LUZP1: variants seen among roughly 807,000 people sequenced by gnomAD.
LUZP1 encodes leucine zipper protein 1.
LUZP1 carries 25 observed loss-of-function variants against 71.3 expected under a neutral mutation model. The ratio of observed to expected loss-of-function variants is 0.35; its 90% CI spans 0.26 to 0.49. The LOEUF is 0.49. LUZP1 is among the 20% of genes least tolerant of loss of function. The probability of loss-of-function intolerance (pLI) is 0.99; values close to 1 mark genes in which losing one functional copy is unlikely to be tolerated. For synonymous variants in LUZP1, 481 were observed against 506.4 expected, an observed-to-expected ratio of 0.95 and a Z score of 0.67; for missense variants, 1,142 against 1,300.8, an observed-to-expected ratio of 0.88 and a Z score of 1.88.
At chr1:23,123,650 T>C (rs899122863) in intron 2 of LUZP1, among the ~76,000 whole-genome samples, 1 of 152,178 alleles carries the variant, frequency 6.6e-6, no homozygotes, top group African/African-American at 2.4e-5. Context: ...ATCCTACTAC[T>C]AGGAAGTGGA....
intron 2 of LUZP1, among the ~76,000 whole-genome samples, chr1:23,165,043 CT>C (rs1433223691): frequency 6.6e-6 from 1 of 152,152 alleles, no homozygotes; most frequent in Non-Finnish European, 1.5e-5. Flanking sequence ...TATCTTTCCC[CT>C]AATCCAATAA....
At chr1:23,161,434 T>C (rs1644465460) in intron 2 of LUZP1, among the ~76,000 whole-genome samples, 1 of 152,088 alleles carries the variant, frequency 6.6e-6, no homozygotes. Flanking sequence ...GAGCCATGCA[T>C]ACAAAGGCCC....
chr1:23,132,507 T>C (rs1326267830), intron 2 of LUZP1, among the ~76,000 whole-genome samples: 1 of 106,398 alleles, frequency 9.4e-6, no homozygotes, highest in Non-Finnish European at 1.9e-5. Context: ...AGAACACTTC[T>C]TGTTTAAAAA....
intron 3 of LUZP1, among the ~76,000 whole-genome samples, chr1:23,107,892 C>A (rs572571517): frequency 1.6e-3 from 248 of 152,348 alleles, no homozygotes; most frequent in African/African-American, 5.7e-3. Context: ...TCCCTAACTA[C>A]ACCTATTTCC....
intron 1 of LUZP1, among the ~76,000 whole-genome samples, chr1:23,176,207 G>A (rs1239739402): frequency 2.6e-5 from 4 of 151,930 alleles, no homozygotes; most frequent in Non-Finnish European, 5.9e-5. Context: ...GATTATAGGC[G>A]TGCGCCACCA....
At chr1:23,117,450 T>TCC (rs1644088941) in intron 2 of LUZP1, among the ~76,000 whole-genome samples, 1 of 88,922 alleles carries the variant, frequency 1.1e-5, no homozygotes, top group Non-Finnish European at 2.3e-5. Context: ...TTCTTTTTTT[T>TCC]TTTCCTCTCT....
intron 2 of LUZP1, among the ~76,000 whole-genome samples, chr1:23,160,586 T>A (rs922969367): frequency 4.6e-5 from 7 of 152,184 alleles, no homozygotes; most frequent in African/African-American, 1.7e-4. Flanking sequence ...GAGAAAATAC[T>A]AAGCAGGATT....
rs558559797 is a variant in LUZP1, at chr1:23,147,321, A to G, written c.-226+21445T>C. On this transcript the variant is annotated intron_variant, in intron 2 of 4. Transcript: ENST00000302291. ...CAAGGCATGGTGGTGGGAGCCTGTA[A>G]TCCCAGCTACTCGGGAGGCTGAGGT... 1.0e-4 allele frequency among the ~76,000 whole-genome samples: 15 copies of G among 145,924 alleles called. No homozygotes were observed. In the South Asian group the frequency reaches 3.1e-3, roughly 30 times the overall value.
chr1:23,085,670 C>G (rs1259297849), exon 5 of LUZP1: 2 of 152,372 alleles, frequency 1.3e-5, no homozygotes, highest in Non-Finnish European at 2.9e-5. Context: ...CCCGAACACT[C>G]CACTGACGGG....
intron 2 of LUZP1, among the ~76,000 whole-genome samples, chr1:23,141,882 T>C (rs1221983787): frequency 6.6e-6 from 1 of 151,570 alleles, no homozygotes; most frequent in East Asian, 1.9e-4. Context: ...TTGCTTTTGT[T>C]GCCCAGGCTG....
intron 2 of LUZP1, among the ~76,000 whole-genome samples, chr1:23,124,393 G>A (rs1380621436): frequency 6.6e-6 from 1 of 152,118 alleles, no homozygotes; most frequent in Non-Finnish European, 1.5e-5. Flanking sequence ...TCACAAGACT[G>A]ACTTTAAGGG....
exon 5 of LUZP1, chr1:23,087,524 A>G (rs927250151): frequency 2.0e-5 from 3 of 152,612 alleles, no homozygotes; most frequent in Non-Finnish European, 2.9e-5. Context: ...AGCCATGGGG[A>G]AAAAAATCCA....
chr1:23,122,026 T>A (rs61780496), intron 2 of LUZP1, among the ~76,000 whole-genome samples: 22,861 of 151,110 alleles, frequency 0.15, 1,934 homozygotes, highest in African/African-American at 0.23. Context: ...ATAAATAAAT[T>A]AATTAATTAA....
intron 2 of LUZP1, among the ~76,000 whole-genome samples, chr1:23,123,616 T>C (rs1406331918): frequency 2.0e-5 from 3 of 152,082 alleles, no homozygotes; most frequent in Non-Finnish European, 4.4e-5. Flanking sequence ...TTTCTGGTCA[T>C]ACAGAGCTGA....
chr1:23,091,960 T>C (rs1207264434), exon 4 of LUZP1: 6 of 1,614,020 alleles, frequency 3.7e-6, no homozygotes, highest in Non-Finnish European at 5.1e-6. Flanking sequence ...CCTCCCATGA[T>C]TTTTTTCACA....
intron 2 of LUZP1, among the ~76,000 whole-genome samples, chr1:23,114,652 C>T (rs1034767255): frequency 3.3e-5 from 5 of 152,196 alleles, no homozygotes; most frequent in Non-Finnish European, 7.4e-5. Context: ...TGCTCACTTC[C>T]CTCCTCCCAA....
At chr1:23,114,259 A>C (rs1644058973) in intron 2 of LUZP1, among the ~76,000 whole-genome samples, 1 of 152,196 alleles carries the variant, frequency 6.6e-6, no homozygotes, top group Non-Finnish European at 1.5e-5. Flanking sequence ...ATTATATAGG[A>C]AGCAAGGGGA....
chr1:23,138,997 C>CAA (rs535524035), intron 2 of LUZP1, among the ~76,000 whole-genome samples: 328 of 21,486 alleles, frequency 0.015, 46 homozygotes, highest in Non-Finnish European at 0.022. Flanking sequence ...GACTCCATCT[C>CAA]AAAAAAAAAA....
intron 2 of LUZP1, among the ~76,000 whole-genome samples, chr1:23,168,146 G>A (rs1450020316): frequency 1.8e-4 from 26 of 144,074 alleles, no homozygotes; most frequent in Non-Finnish European, 3.2e-4. Context: ...GCGGCCGCGG[G>A]ACCCCTCCCC....
Sources: gnomAD v4.1 joint callset for allele counts (sites outside exome capture counted in the v4.1 genomes callset) on GRCh38, gnomAD v4.1.1 for gene constraint, MANE v1.5 for transcripts, NCBI Gene and HGNC (gene_info 2026-07-23, HGNC 2026-07-21) for gene names.